Variants in GART observed in about 807,000 individuals in gnomAD.
GART encodes the protein phosphoribosylglycinamide formyltransferase, phosphoribosylglycinamide synthetase, phosphoribosylaminoimidazole synthetase, also known as trifunctional purine biosynthetic protein adenosine-3.
GART carries 43 observed loss-of-function variants against 107.2 expected under a neutral mutation model. The observed-to-expected ratio is 0.40, with a 90% CI of 0.31 to 0.52. The LOEUF (loss-of-function observed/expected upper bound fraction) is 0.52, where lower values mean the gene tolerates loss of function less well. GART is among the 20% of genes least tolerant of loss of function. GART has a pLI of 0.52. For missense variants in GART, 1,107 were observed against 1,206.5 expected, an observed-to-expected ratio of 0.92 and a Z score of 1.22; for synonymous variants, 434 against 427.0, an observed-to-expected ratio of 1.02 and a Z score of -0.20.
At chr21:33,508,629 T>C (rs1045717374) in intron 18 of GART, among the ~76,000 whole-genome samples, 1 of 150,428 alleles carries the variant, frequency 6.6e-6, no homozygotes, top group Non-Finnish European at 1.5e-5. Context: ...GCAATTCTCC[T>C]GTCTCAGCCT....
intron 1 of GART, among the ~76,000 whole-genome samples, chr21:33,541,087 T>C (rs1404194237): frequency 2.0e-5 from 3 of 152,146 alleles, no homozygotes; most frequent in Non-Finnish European, 2.9e-5. Flanking sequence ...TACTTTAGTG[T>C]AACGGGAAAA....
chr21:33,512,547 G>T (rs967387262), intron 16 of GART, among the ~76,000 whole-genome samples: 5 of 151,876 alleles, frequency 3.3e-5, no homozygotes, highest in African/African-American at 4.8e-5. Context: ...AAATAATAAG[G>T]TTTACTATCA....
At position 33,509,835 on chromosome 21, in the gene GART, A is replaced by G; in HGVS notation, c.2400T>C (p.His800=). ...TGGCCTTTTTTTTTTCAAAAGAGAA[A>G]TGATTTGTCAGGGAGCCATTCTTCA... The part of the protein sequence containing the change: ...SVLKNGSLTN[H]FSFEKKKARV... The change falls in exon 18 of 22, where the codon CAT becomes CAC. Residue 800 remains histidine, a synonymous_variant. Coordinates refer to ENST00000381815, the MANE Select transcript of GART (RefSeq NM_000819.5). 6.2e-7 allele frequency: 1 copy of G among 1,613,972 alleles called. No homozygotes were observed. The highest frequency in any genetic ancestry group is 8.5e-7 in the Non-Finnish European group (1 of 1,179,922).
At chr21:33,535,754 G>A (rs187340238) in intron 2 of GART, among the ~76,000 whole-genome samples, 405 of 152,288 alleles carry the variant, frequency 2.7e-3, no homozygotes, top group Middle Eastern at 0.014. Context: ...ACGGCGGGGC[G>A]CGGTGGCTCA....
At position 33,524,817 on chromosome 21, in the gene GART, T is replaced by C; in HGVS notation, c.1250A>G (p.Tyr417Cys). ...LAAIKFEGAI[Y>C]RKDVGFRAIA... ...GGCACGAAAGCCGACGTCTTTCCTATAAATTGCTCCCTCAAACTTTATAGC... is the reference window on the plus strand; with the variant it reads ...GGCACGAAAGCCGACGTCTTTCCTACAAATTGCTCCCTCAAACTTTATAGC... Residue 417 changes from tyrosine (Y) to cysteine (C), a missense_variant, in exon 11 of 22, where the codon TAT becomes TGT. Tyr to Cys is a radical substitution (Grantham distance 194, BLOSUM62 -2). Coordinates refer to ENST00000381815, the MANE Select transcript of GART (RefSeq NM_000819.5). 6.2e-7 allele frequency: 1 copy of C among 1,614,256 alleles called. No individual in the cohort carries two copies. The highest frequency in any genetic ancestry group is 8.5e-7 in the Non-Finnish European group (1 of 1,180,034).
chr21:33,528,772 A>AG, intron 8 of GART, 78 bp downstream of exon 8: 1 of 1,066,138 alleles, frequency 9.4e-7, no homozygotes, highest in Non-Finnish European at 1.4e-6. Flanking sequence ...AAAAAAAAAA[A>AG]GGGAATGGAA....
At chr21:33,525,795 T>C (rs1200877326) in intron 10 of GART, among the ~76,000 whole-genome samples, 3 of 152,140 alleles carry the variant, frequency 2.0e-5, no homozygotes, top group Admixed American at 6.5e-5. Flanking sequence ...ATAAAAGCAA[T>C]TGTTTAATGA....
chr21:33,542,515 A>G (rs2085467784), upstream of GART: 1 of 146,544 alleles, frequency 6.8e-6, no homozygotes, highest in African/African-American at 2.5e-5. Context: ...GCCTATTGCT[A>G]AAAAAAAAAA....
Position 33,517,401 on chromosome 21 carries a change from T to G in GART, c.1910A>C (p.Gln637Pro), listed in dbSNP as rs2084898011. 6.2e-7 allele frequency: 1 copy of G among 1,614,052 alleles called. No homozygotes were observed. Among genetic ancestry groups the G allele is most frequent in the Admixed American group, 1.7e-5 (1 of 59,990 alleles). ...ACCATCAGGTGCTGGAGAGGAGTAC[T>G]GGAGGGAAGATTTTGCCACGATTTT... ...VRKIVAKSSL[Q>P]YSSPAPDGCG... is the part of the protein sequence containing the mutation. The change falls in exon 15 of 22, where the codon CAG (glutamine) becomes CCG (proline). Residue 637 changes from glutamine (Q) to proline (P), a missense_variant. Coordinates refer to ENST00000381815, the MANE Select transcript of GART (RefSeq NM_000819.5).
intron 16 of GART, among the ~76,000 whole-genome samples, chr21:33,515,956 C>T (rs1202125634): frequency 6.6e-6 from 1 of 151,768 alleles, no homozygotes; most frequent in Non-Finnish European, 1.5e-5. Flanking sequence ...ACGTTAAAAT[C>T]CTACCTTGGG....
chr21:33,514,096 G>A (rs963837408), intron 16 of GART, among the ~76,000 whole-genome samples: 12 of 152,016 alleles, frequency 7.9e-5, no homozygotes, highest in Admixed American at 3.9e-4. Flanking sequence ...GTGAAACCCC[G>A]TCTCTACTAA....
At chr21:33,530,958 A>G (rs1012985636) in intron 6 of GART, 74 bp from the exon 7 acceptor site, 6 of 1,369,328 alleles carry the variant, frequency 4.4e-6, no homozygotes, top group Non-Finnish European at 4.8e-6. Context: ...GAGGCAAACT[A>G]TATGTCCCTT....
chr21:33,504,536 TA>T lies in GART; in HGVS notation c.2726-10del. On this transcript the variant is annotated splice_polypyrimidine_tract_variant and intron_variant, in intron 20 of 21. Transcript: ENST00000381815. Reference sequence around the variant, plus strand: ...GATATTGAGCATTTTTCCTAAAAATTAAAAAAAGCATAGTGGTCAGAATTTA... The same window carrying T: ...GATATTGAGCATTTTTCCTAAAAATTAAAAAAGCATAGTGGTCAGAATTTA... 3 of 1,580,492 alleles carry T rather than the reference TA, an allele frequency of 1.9e-6. No individual in the cohort carries two copies. The highest frequency in any genetic ancestry group is 1.1e-5 in the South Asian group (1 of 90,162).
At chr21:33,522,810 ATCTGTTTAAAAGTAGATATAC>A (rs1190623010) in intron 11 of GART, among the ~76,000 whole-genome samples, 1 of 152,116 alleles carries the variant, frequency 6.6e-6, no homozygotes, top group African/African-American at 2.4e-5. Flanking sequence ...CCTGGCAACC[ATCTGTTTAAAAGTAGATATAC>A]TGACATTTTG....
chr21:33,530,940 AAT>A, intron 6 of GART, 56 bp from the exon 7 acceptor site: 1 of 1,471,746 alleles, frequency 6.8e-7, no homozygotes, highest in Non-Finnish European at 8.9e-7. Flanking sequence ...TAAAAAAAAA[AAT>A]TTAGTGAGGC....
intron 6 of GART, 165 bp from the exon 7 acceptor site, chr21:33,531,049 C>G (rs2085178107): frequency 2.1e-6 from 1 of 487,352 alleles, no homozygotes; most frequent in South Asian, 7.0e-5. Flanking sequence ...CTACATACAT[C>G]AAGAATCATA....
chr21:33,528,756 TAA>T (rs57178645), intron 8 of GART, 92 bp downstream of exon 8: 28,446 of 779,986 alleles, frequency 0.036, 24 homozygotes, highest in African/African-American at 0.045. Context: ...TAAAAAGTGG[TAA>T]AAAAAAAAAA....
chr21:33,525,681 A>G (rs894937536), intron 10 of GART, among the ~76,000 whole-genome samples: 2 of 152,008 alleles, frequency 1.3e-5, no homozygotes, highest in Non-Finnish European at 2.9e-5. Flanking sequence ...TTGGCCTCCC[A>G]GATAGGTTTT....
chr21:33,532,279 T>A, intron 5 of GART, 66 bp downstream of exon 5: 2 of 1,136,414 alleles, frequency 1.8e-6, no homozygotes, highest in Middle Eastern at 2.0e-4. Flanking sequence ...GAACATTTTT[T>A]AAACTTAAAA....
Sources: allele counts gnomAD v4.1 joint callset (sites outside exome capture counted in the v4.1 genomes callset), GRCh38; gene constraint gnomAD v4.1.1; transcripts MANE v1.5; gene names NCBI Gene and HGNC (gene_info 2026-07-23, HGNC 2026-07-21).